FHIT: variants seen among roughly 807,000 people sequenced by gnomAD.
FHIT encodes bis(5'-adenosyl)-triphosphatase.
FHIT carries 19 observed loss-of-function variants against 17.9 expected under a neutral mutation model. The observed-to-expected ratio is 1.06, with a 90% CI of 0.74 to 1.56. The LOEUF (loss-of-function observed/expected upper bound fraction) is 1.56. FHIT is among the 40% of genes most tolerant of loss of function. The pLI is 0.00. For missense variants in FHIT, 248 were observed against 189.2 expected, an observed-to-expected ratio of 1.31 and a Z score of -1.82; for synonymous variants, 81 against 69.7, an observed-to-expected ratio of 1.16 and a Z score of -0.81.
chr3:60,856,997 C>T (rs1232465790), intron 3 of FHIT, among the ~76,000 whole-genome samples: 1 of 152,138 alleles, frequency 6.6e-6, no homozygotes, highest in African/African-American at 2.4e-5. Context: ...TGCCATAGCA[C>T]TCAGCTTCCT....
chr3:59,869,081 T>G (rs1286109160), intron 8 of FHIT, among the ~76,000 whole-genome samples: 2 of 152,086 alleles, frequency 1.3e-5, no homozygotes, highest in African/African-American at 2.4e-5. Context: ...TTAGTGAAAA[T>G]GAAGCACTAT....
intron 2 of FHIT, among the ~76,000 whole-genome samples, chr3:61,124,628 A>T (rs1029430023): frequency 3.9e-5 from 6 of 152,226 alleles, no homozygotes; most frequent in Non-Finnish European, 7.3e-5. Flanking sequence ...TTTCCAAGAG[A>T]TGAAAACCTC....
At chr3:60,401,389 T>A (rs1165340599) in intron 5 of FHIT, among the ~76,000 whole-genome samples, 1 of 152,186 alleles carries the variant, frequency 6.6e-6, no homozygotes, top group Non-Finnish European at 1.5e-5. Flanking sequence ...TCACTGATCC[T>A]CTGACTTACT....
At chr3:60,803,065 G>A (rs1465777340) in intron 4 of FHIT, among the ~76,000 whole-genome samples, 1 of 152,110 alleles carries the variant, frequency 6.6e-6, no homozygotes, top group Non-Finnish European at 1.5e-5. Context: ...ACTGTTGATG[G>A]CATCACCCTT....
intron 8 of FHIT, among the ~76,000 whole-genome samples, chr3:59,861,512 C>G (rs1225317119): frequency 1.3e-5 from 2 of 152,164 alleles, no homozygotes; most frequent in East Asian, 3.9e-4. Context: ...GAAATATTTT[C>G]TTAAAAATTT....
chr3:60,691,534 T>C (rs2040991713), intron 4 of FHIT, among the ~76,000 whole-genome samples: 1 of 152,078 alleles, frequency 6.6e-6, no homozygotes, highest in Non-Finnish European at 1.5e-5. Context: ...CACACCTGGC[T>C]AATTTTTGCC....
At chr3:60,089,375 G>T (rs757735845) in intron 5 of FHIT, among the ~76,000 whole-genome samples, 1 of 152,070 alleles carries the variant, frequency 6.6e-6, no homozygotes, top group Non-Finnish European at 1.5e-5. Flanking sequence ...TGTGGGGGAA[G>T]GAACCATGAT....
intron 5 of FHIT, among the ~76,000 whole-genome samples, chr3:60,307,450 G>C (rs1292355222): frequency 2.0e-5 from 3 of 152,130 alleles, no homozygotes; most frequent in African/African-American, 2.4e-5. Flanking sequence ...TGATACAGGG[G>C]AATATGAACT....
At chr3:60,986,620 A>T (rs1710729564) in intron 3 of FHIT, among the ~76,000 whole-genome samples, 1 of 152,170 alleles carries the variant, frequency 6.6e-6, no homozygotes, top group South Asian at 2.1e-4. Flanking sequence ...CGCCATTTTG[A>T]TGCCCCCCAG....
chr3:60,989,743 A>G (rs986438293), intron 3 of FHIT, among the ~76,000 whole-genome samples: 13 of 152,108 alleles, frequency 8.5e-5, no homozygotes, highest in Non-Finnish European at 1.6e-4. Flanking sequence ...CCTTTGATTT[A>G]CCATCTAATG....
intron 5 of FHIT, among the ~76,000 whole-genome samples, chr3:60,409,577 C>T (rs956136717): frequency 3.9e-5 from 6 of 152,140 alleles, no homozygotes; most frequent in Non-Finnish European, 5.9e-5. Flanking sequence ...ACTTGGTTTG[C>T]CAACTAACCT....
chr3:59,960,578 GT>G (rs34390680), intron 7 of FHIT, among the ~76,000 whole-genome samples: 40,154 of 151,964 alleles, frequency 0.26, 5,392 homozygotes, highest in East Asian at 0.32. Context: ...TTGACAGTCA[GT>G]TTTATAGCTA....
chr3:59,879,609 A>C (rs1031492789), intron 8 of FHIT, among the ~76,000 whole-genome samples: 2 of 152,202 alleles, frequency 1.3e-5, no homozygotes, highest in African/African-American at 4.8e-5. Flanking sequence ...TCCAAAAAAA[A>C]CCCACACAGC....
intron 5 of FHIT, among the ~76,000 whole-genome samples, chr3:60,233,949 ACCT>A (rs1704631156): frequency 6.6e-6 from 1 of 151,316 alleles, no homozygotes; most frequent in Non-Finnish European, 1.5e-5. Flanking sequence ...AATCCATTAA[ACCT>A]CCTTCCTTTA....
intron 4 of FHIT, among the ~76,000 whole-genome samples, chr3:60,765,793 G>A (rs1409945246): frequency 6.6e-6 from 1 of 152,192 alleles, no homozygotes; most frequent in Non-Finnish European, 1.5e-5. Context: ...CCATCCGATC[G>A]GCTGCCAGTG....
intron 4 of FHIT, chr3:60,553,286 T>C (rs1361918862): frequency 5.4e-6 from 2 of 370,936 alleles, no homozygotes; most frequent in Non-Finnish European, 7.4e-6. Context: ...ATTGGTTTCA[T>C]TATACATTGT....
chr3:59,770,226 A>G (rs1210609709), intron 8 of FHIT, among the ~76,000 whole-genome samples: 1 of 152,198 alleles, frequency 6.6e-6, no homozygotes, highest in Admixed American at 6.5e-5. Context: ...AATCGTCCTA[A>G]CAACCCTATG....
chr3:59,826,839 C>T (rs1700995959), intron 8 of FHIT, among the ~76,000 whole-genome samples: 1 of 152,204 alleles, frequency 6.6e-6, no homozygotes, highest in African/African-American at 2.4e-5. Context: ...ATAATTACTG[C>T]AAGTCTTAGA....
intron 5 of FHIT, among the ~76,000 whole-genome samples, chr3:60,156,040 T>TA (rs1163931399): frequency 1.3e-5 from 2 of 152,080 alleles, no homozygotes; most frequent in African/African-American, 4.8e-5. Flanking sequence ...TTTCCTAGCT[T>TA]AAAAAATAAC....
Sources: allele counts gnomAD v4.1 joint callset (sites outside exome capture counted in the v4.1 genomes callset), GRCh38; gene constraint gnomAD v4.1.1; transcripts MANE v1.5; gene names NCBI Gene and HGNC (gene_info 2026-07-23, HGNC 2026-07-21).